Variants in CDIN1 observed in about 807,000 individuals in gnomAD.
The protein encoded by CDIN1 is CDAN1-interacting nuclease 1.
Under a neutral mutation model 45.3 loss-of-function variants are expected in CDIN1, and 33 were observed. That is an observed-to-expected ratio of 0.73 (90% CI 0.55 to 0.97). CDIN1 has a LOEUF of 0.97. Ranked by LOEUF, CDIN1 falls within the 50% of genes least tolerant of loss-of-function variation. CDIN1 has a pLI of 0.00. For missense variants in CDIN1, 303 were observed against 339.4 expected, an observed-to-expected ratio of 0.89 and a Z score of 0.84; for synonymous variants, 118 against 124.4, an observed-to-expected ratio of 0.95 and a Z score of 0.34.
chr15:36,653,851 A>G (rs1412371707), intron 3 of CDIN1, among the ~76,000 whole-genome samples: 5 of 152,206 alleles, frequency 3.3e-5, no homozygotes, highest in African/African-American at 1.2e-4. Flanking sequence ...GGTGAAAGAA[A>G]ACAAGGGAGA....
intron 1 of CDIN1, among the ~76,000 whole-genome samples, chr15:36,620,638 A>T (rs908020725): frequency 6.6e-6 from 1 of 152,126 alleles, no homozygotes; most frequent in African/African-American, 2.4e-5. Context: ...TGAAGTATTT[A>T]CTCTTCTGTT....
chr15:36,808,468 GA>G lies in CDIN1; in HGVS notation c.*17del. ...GCATAGCTTGACCCTGAAGATCCTGGAAGAGAAGCTGGGAGGAAAAGGTGAA... is the reference window on the plus strand; with the variant it reads ...GCATAGCTTGACCCTGAAGATCCTGGAGAGAAGCTGGGAGGAAAAGGTGAA... On this transcript the variant is annotated 3_prime_UTR_variant, in exon 11 of 11. Transcript: ENST00000566621. 6.2e-7 allele frequency: 1 copy of G among 1,612,856 alleles called. No homozygotes were observed. The highest frequency in any genetic ancestry group is 1.3e-5 in the African/African-American group (1 of 74,994).
At chr15:36,613,711 G>C (rs911579189) in intron 1 of CDIN1, 2 of 1,536,394 alleles carry the variant, frequency 1.3e-6, no homozygotes, top group Non-Finnish European at 1.8e-6. Context: ...TAGAAGAAGC[G>C]GAAAAAGCTG....
At chr15:36,640,270 G>T (rs1725372777) in intron 1 of CDIN1, among the ~76,000 whole-genome samples, 1 of 152,094 alleles carries the variant, frequency 6.6e-6, no homozygotes, top group Admixed American at 6.6e-5. Context: ...GAGGTCAAGA[G>T]ATTGTAGCTG....
intron 10 of CDIN1, chr15:36,799,890 A>G (rs1041591558): frequency 2.0e-5 from 3 of 152,188 alleles, no homozygotes; most frequent in African/African-American, 4.8e-5. Context: ...TTTGTTTTCT[A>G]TTGTAATCTT....
chr15:36,634,867 T>C (rs2039830248), intron 1 of CDIN1, among the ~76,000 whole-genome samples: 2 of 152,224 alleles, frequency 1.3e-5, no homozygotes, highest in South Asian at 4.1e-4. Context: ...ATTTTTGTTT[T>C]TTCCATCACT....
intron 1 of CDIN1, among the ~76,000 whole-genome samples, chr15:36,616,344 A>G (rs2038887700): frequency 1.3e-5 from 2 of 150,698 alleles, no homozygotes; most frequent in Non-Finnish European, 3.0e-5. Flanking sequence ...GTGCAATGGC[A>G]CAATCTCTGC....
chr15:36,580,114 A>G (rs568149589), intron 1 of CDIN1, among the ~76,000 whole-genome samples, 153 bp downstream of exon 1: 1 of 152,336 alleles, frequency 6.6e-6, no homozygotes, highest in African/African-American at 2.4e-5. Flanking sequence ...AAAAAGGTTT[A>G]TTCTTTCACT....
chr15:36,744,146 A>G (rs1200982065), intron 10 of CDIN1, among the ~76,000 whole-genome samples: 1 of 152,134 alleles, frequency 6.6e-6, no homozygotes, highest in Non-Finnish European at 1.5e-5. Flanking sequence ...CATAGCAAAA[A>G]AGGCCCACTT....
chr15:36,701,100 A>G (rs2042615289), intron 8 of CDIN1, among the ~76,000 whole-genome samples: 1 of 83,648 alleles, frequency 1.2e-5, no homozygotes, highest in Non-Finnish European at 2.4e-5. Context: ...GTAGGTAGGT[A>G]GATAGATAGA....
intron 10 of CDIN1, among the ~76,000 whole-genome samples, chr15:36,730,860 C>CT (rs1325443316): frequency 5.3e-5 from 8 of 151,978 alleles, no homozygotes; most frequent in African/African-American, 1.9e-4. Flanking sequence ...TCATCGAATT[C>CT]TTTTTTCTAA....
At chr15:36,627,304 A>G in intron 1 of CDIN1, 1 of 162,660 alleles carries the variant, frequency 6.1e-6, no homozygotes. Flanking sequence ...AGGAACTTGG[A>G]GCTGGAGAAC....
intron 5 of CDIN1, among the ~76,000 whole-genome samples, chr15:36,659,226 G>A (rs1387845055): frequency 2.0e-5 from 3 of 152,156 alleles, no homozygotes; most frequent in African/African-American, 7.2e-5. Flanking sequence ...GAAGTTAATA[G>A]GTTGATCATA....
At chr15:36,645,494 T>TTGTGTGTGTGTGTGTGTG (rs57349735) in intron 3 of CDIN1, among the ~76,000 whole-genome samples, 1 of 143,384 alleles carries the variant, frequency 7.0e-6, no homozygotes, top group South Asian at 2.3e-4. Flanking sequence ...CTGTCTTGAC[T>TTGTGTGTGTGTGTGTGTG]TGTGTGTGTG....
intron 10 of CDIN1, among the ~76,000 whole-genome samples, chr15:36,714,021 T>C (rs185887063): frequency 6.6e-6 from 1 of 152,354 alleles, no homozygotes; most frequent in African/African-American, 2.4e-5. Context: ...TATTTACTGA[T>C]GTCTGACAGA....
At chr15:36,660,786 T>C (rs914124493) in intron 5 of CDIN1, among the ~76,000 whole-genome samples, 1 of 152,216 alleles carries the variant, frequency 6.6e-6, no homozygotes, top group Non-Finnish European at 1.5e-5. Flanking sequence ...AGGATACGTA[T>C]TTTGAGTTGA....
At chr15:36,708,215 A>C (rs2042936485) in intron 8 of CDIN1, 1 of 152,174 alleles carries the variant, frequency 6.6e-6, no homozygotes, top group Non-Finnish European at 1.5e-5. Context: ...AATTTTAATC[A>C]AAGGTGATGC....
chr15:36,629,240 C>T (rs2039579988), intron 1 of CDIN1, among the ~76,000 whole-genome samples: 1 of 152,090 alleles, frequency 6.6e-6, no homozygotes, highest in African/African-American at 2.4e-5. Flanking sequence ...AGTGTGTGAC[C>T]ATGGTAGGAT....
intron 10 of CDIN1, chr15:36,747,031 G>A (rs925109278): frequency 5.0e-5 from 20 of 397,916 alleles, no homozygotes; most frequent in Admixed American, 8.8e-5. Context: ...TTACAGGAGC[G>A]AGGAAACATT....
Sources: allele counts gnomAD v4.1 joint callset (sites outside exome capture counted in the v4.1 genomes callset), GRCh38; gene constraint gnomAD v4.1.1; transcripts MANE v1.5; gene names NCBI Gene and HGNC (gene_info 2026-07-23, HGNC 2026-07-21).